The following SHANK2 variants were observed in gnomAD, a reference collection of about 807,000 sequenced individuals.
The protein encoded by SHANK2 is SH3 and multiple ankyrin repeat domains protein 2.
A neutral mutation model predicts 133.7 loss-of-function variants in SHANK2; 43 were observed. The observed-to-expected ratio is 0.32, with a 90% CI of 0.25 to 0.41. The LOEUF is 0.41. Ranked by LOEUF, SHANK2 falls within the 10% of genes least tolerant of loss-of-function variation. SHANK2 has a pLI of 1.00. For missense variants in SHANK2, 1,994 were observed against 2,235.8 expected (o/e 0.89, Z 2.18); for synonymous variants, 1,017 against 952.8 (o/e 1.07, Z -1.24).
At chr11:71,170,542 G>A (rs1555111961) in intron 2 of SHANK2, among the ~76,000 whole-genome samples, 1 of 152,218 alleles carries the variant, frequency 6.6e-6, no homozygotes, top group Non-Finnish European at 1.5e-5. Flanking sequence ...GTCTGTGAAA[G>A]CAGAAGAAAC....
At chr11:71,167,788 G>C (rs1404020145) in intron 2 of SHANK2, among the ~76,000 whole-genome samples, 4 of 142,880 alleles carry the variant, frequency 2.8e-5, no homozygotes, top group Non-Finnish European at 4.6e-5. Flanking sequence ...GGCTGGCCGG[G>C]CGGGGGGCTG....
intron 14 of SHANK2, among the ~76,000 whole-genome samples, chr11:70,767,996 C>T (rs1157942762): frequency 6.6e-6 from 1 of 151,872 alleles, no homozygotes; most frequent in East Asian, 2.0e-4. Context: ...TGCAGAAAGG[C>T]GGGGCAGGGT....
intron 10 of SHANK2, among the ~76,000 whole-genome samples, chr11:70,933,627 A>C (rs572593587): frequency 9.2e-5 from 14 of 152,368 alleles, no homozygotes; most frequent in African/African-American, 3.1e-4. Flanking sequence ...TTTTTTAAAA[A>C]AGCAACAACA....
At chr11:70,589,139 A>C (rs1554987473) in intron 17 of SHANK2, among the ~76,000 whole-genome samples, 1 of 152,174 alleles carries the variant, frequency 6.6e-6, no homozygotes, top group African/African-American at 2.4e-5. Flanking sequence ...TATTGGAAGA[A>C]GATGCCATCT....
intron 14 of SHANK2, among the ~76,000 whole-genome samples, chr11:70,709,710 G>A (rs1238011817): frequency 2.0e-5 from 3 of 152,196 alleles, no homozygotes; most frequent in African/African-American, 7.2e-5. Context: ...GGAGCGTGTG[G>A]CCGTGGCAGA....
intron 10 of SHANK2, chr11:70,911,282 G>GA (rs1950187763): frequency 2.3e-6 from 1 of 434,802 alleles, no homozygotes; most frequent in Non-Finnish European, 4.6e-6. Flanking sequence ...CTTGAACCCA[G>GA]AAGGTGGAGG....
intron 14 of SHANK2, among the ~76,000 whole-genome samples, chr11:70,745,484 AAC>A (rs1555035797): frequency 6.6e-6 from 1 of 152,098 alleles, no homozygotes; most frequent in Non-Finnish European, 1.5e-5. Flanking sequence ...CTGCCTTGAA[AAC>A]ACAGTCTTGG....
At chr11:70,885,068 G>T (rs1555073143) in intron 11 of SHANK2, among the ~76,000 whole-genome samples, 1 of 152,158 alleles carries the variant, frequency 6.6e-6, no homozygotes. Flanking sequence ...TGTTATCTAA[G>T]AGTTTCATTT....
intron 10 of SHANK2, among the ~76,000 whole-genome samples, chr11:70,907,276 C>T (rs1434674203): frequency 6.6e-6 from 1 of 150,460 alleles, no homozygotes; most frequent in African/African-American, 2.5e-5. Flanking sequence ...GATGAAACAG[C>T]CCCTCAGTCC....
intron 10 of SHANK2, among the ~76,000 whole-genome samples, chr11:70,945,828 C>T (rs1435528940): frequency 6.6e-6 from 1 of 152,146 alleles, no homozygotes; most frequent in Non-Finnish European, 1.5e-5. Context: ...CCTTCCAGCG[C>T]ACAAGGAATG....
Position 70,791,134 on chromosome 11 carries a change from A to G in SHANK2, c.1777+7309T>C, listed in dbSNP as rs561087937. On this transcript the variant is annotated intron_variant, in intron 14 of 25. Transcript: ENST00000601538. ...GTAGCAGCTGACATTGAGCTACCTA[A>G]TACAAATGGGTGGAAAGCTTTAGAG... Among the ~76,000 whole-genome samples the G allele has an allele frequency of 2.0e-5, 3 of 152,316 alleles. No homozygotes were observed. In the East Asian group the frequency reaches 5.8e-4, roughly 29 times the overall value.
chr11:71,103,020 G>A (rs1010504687), intron 6 of SHANK2, among the ~76,000 whole-genome samples: 3 of 152,228 alleles, frequency 2.0e-5, no homozygotes, highest in East Asian at 1.9e-4. Context: ...TGGAAGGAGC[G>A]AGGGAGCTCT....
In SHANK2 at chr11:71,156,075, C is replaced by T. The variant is rs76993264; in HGVS notation, c.-12-8737G>A. On this transcript the variant is annotated intron_variant, in intron 2 of 25. Transcript: ENST00000601538. The stretch of plus-strand genomic sequence containing the variant: ...ACAGGAAGACACAGCAAGAAGGCAG[C>T]CACGTGCACGCCAGGGAGCGAGACC... Among the ~76,000 whole-genome samples the T allele has an allele frequency of 1.6e-3, 239 of 152,314 alleles. 1 individual carries two copies. Among genetic ancestry groups the T allele is most frequent in the African/African-American group, 5.5e-3 (227 of 41,566 alleles).
At position 71,173,644 on chromosome 11, in the gene SHANK2, G is replaced by A. The variant is rs192380244; in HGVS notation, c.-12-26306C>T. 3.8e-4 allele frequency among the ~76,000 whole-genome samples: 58 copies of A among 152,360 alleles called. 1 individual carries two copies. The East Asian group carries it at 8.7e-3, about 23-fold the overall frequency. ...CTGAAACCTACCCAAGTGCACTGGCGTGAAGAGTGTCCTCTCAAAATTCGT... is the reference window on the plus strand; with the variant it reads ...CTGAAACCTACCCAAGTGCACTGGCATGAAGAGTGTCCTCTCAAAATTCGT... On this transcript the variant is annotated intron_variant, in intron 2 of 25. Transcript: ENST00000601538.
At chr11:70,893,377 G>C (rs1172625874) in intron 11 of SHANK2, among the ~76,000 whole-genome samples, 1 of 152,240 alleles carries the variant, frequency 6.6e-6, no homozygotes, top group Non-Finnish European at 1.5e-5. Flanking sequence ...GATGCAAAGT[G>C]GGGGTGACCA....
intron 8 of SHANK2, among the ~76,000 whole-genome samples, chr11:71,076,242 TC>T (rs1463565944): frequency 6.6e-6 from 1 of 151,996 alleles, no homozygotes. Context: ...CACATCTCAA[TC>T]CCAGGGTCGG....
chr11:70,912,686 C>T (rs768380034), intron 10 of SHANK2, among the ~76,000 whole-genome samples: 116 of 152,170 alleles, frequency 7.6e-4, no homozygotes, highest in Non-Finnish European at 1.5e-3. Flanking sequence ...ATGAAGGGGG[C>T]GCTCCTGCAA....
chr11:70,637,037 T>C (rs2061111009), intron 17 of SHANK2, among the ~76,000 whole-genome samples: 2 of 151,606 alleles, frequency 1.3e-5, no homozygotes, highest in South Asian at 4.2e-4. Flanking sequence ...GCCACACTCC[T>C]CTGGTGGGCA....
rs957809959 is a variant in SHANK2, at chr11:70,787,915, A to T, written c.1777+10528T>A. ...CTGACCTCGTGTCAAATGGACTAAC[A>T]TCACTGCATGCCCCCCTCCCAAGTT... is the stretch of plus-strand genomic sequence containing the variant. On this transcript the variant is annotated intron_variant, in intron 14 of 25. Transcript: ENST00000601538. Among the ~76,000 whole-genome samples the T allele has an allele frequency of 3.3e-5, 5 of 152,168 alleles. No individual in the cohort carries two copies. In the South Asian group the frequency reaches 8.3e-4, roughly 25 times the overall value.
Sources: allele counts gnomAD v4.1 joint callset (sites outside exome capture counted in the v4.1 genomes callset), GRCh38; gene constraint gnomAD v4.1.1; transcripts MANE v1.5; gene names NCBI Gene and HGNC (gene_info 2026-07-23, HGNC 2026-07-21).